RAPGEF2: variants seen among roughly 807,000 people sequenced by gnomAD.
RAPGEF2 encodes the protein Rap guanine nucleotide exchange factor 2, also known as PDZ domain containing guanine nucleotide exchange factor (GEF) 1.
Under a neutral mutation model 186.7 loss-of-function variants are expected in RAPGEF2, and 54 were observed. The observed-to-expected ratio is 0.29, with a 90% CI of 0.23 to 0.36. The LOEUF is 0.36. RAPGEF2 is among the 10% of genes least tolerant of loss of function. The pLI is 1.00. For missense variants in RAPGEF2, 1,532 were observed against 2,045.0 expected (o/e 0.75, Z 4.84); for synonymous variants, 712 against 705.9 (o/e 1.01, Z -0.14).
chr4:159,273,896 A>T (rs534765733), intron 7 of RAPGEF2, among the ~76,000 whole-genome samples: 1 of 152,050 alleles, frequency 6.6e-6, no homozygotes, highest in Non-Finnish European at 1.5e-5. Flanking sequence ...GGGTTCAAGC[A>T]GTCTTCCCCC....
intron 23 of RAPGEF2, 25 bp from the exon 24 acceptor site, chr4:159,345,081 G>C: frequency 1.9e-6 from 3 of 1,576,520 alleles, no homozygotes; most frequent in Non-Finnish European, 2.6e-6. Context: ...AGAGTGAGCT[G>C]CATATGTACC....
At chr4:159,273,646 CT>C (rs1236840614) in intron 7 of RAPGEF2, among the ~76,000 whole-genome samples, 1 of 132,916 alleles carries the variant, frequency 7.5e-6, no homozygotes, top group Non-Finnish European at 1.6e-5. Context: ...TTCTTTCTTT[CT>C]TTCTTTCTTT....
Position 159,231,840 on chromosome 4 carries a change from G to C in RAPGEF2, c.282-6969G>C, listed in dbSNP as rs79726219. 3.4e-3 allele frequency among the ~76,000 whole-genome samples: 520 copies of C among 152,212 alleles called. 4 individuals are homozygous for C. Among genetic ancestry groups the C allele is most frequent in the African/African-American group, 0.012 (502 of 41,544 alleles). On this transcript the variant is annotated intron_variant, in intron 4 of 29. Coordinates refer to ENST00000691494, the MANE Select transcript of RAPGEF2 (RefSeq NM_001394067.2). ...CTGATGCTAAGCATTTTGGATAATG[G>C]ATACTCGACCTGTCTTTCAGTCATA...
rs114615642 is a variant in RAPGEF2, at chr4:159,168,663, G to A, written c.70-17979G>A. Among the ~76,000 whole-genome samples the A allele has an allele frequency of 8.4e-3, 1,274 of 152,184 alleles. 6 individuals carry two copies. The highest frequency in any genetic ancestry group is 0.02 in the Middle Eastern group (6 of 294). On this transcript the variant is annotated intron_variant, in intron 1 of 29. Transcript: ENST00000691494. Reference sequence around the variant, plus strand: ...TAGTAAAAGGGTATACTTTGAAAACGACACCTCTTTTCTAATGATAAAAGG... The same window carrying A: ...TAGTAAAAGGGTATACTTTGAAAACAACACCTCTTTTCTAATGATAAAAGG...
intron 7 of RAPGEF2, among the ~76,000 whole-genome samples, chr4:159,248,456 C>T (rs907175220): frequency 6.6e-6 from 1 of 152,170 alleles, no homozygotes; most frequent in Non-Finnish European, 1.5e-5. Context: ...CGCCCATTAT[C>T]GGCAGGTTTA....
chr4:159,142,466 A>C (rs1742455111), intron 1 of RAPGEF2, among the ~76,000 whole-genome samples: 1 of 151,742 alleles, frequency 6.6e-6, no homozygotes, highest in Non-Finnish European at 1.5e-5. Flanking sequence ...TCAGTTTCAC[A>C]CAACAGCTGC....
rs984334955 is a variant in RAPGEF2 at position 159,273,441 on chromosome 4, C to A, written c.543+29650C>A. 2.6e-5 allele frequency among the ~76,000 whole-genome samples: 4 copies of A among 152,126 alleles called. No individual in the cohort carries two copies. In the East Asian group the frequency reaches 7.7e-4, roughly 29 times the overall value. Reference sequence around the variant, plus strand: ...TTTGCTTTTAGTCAAAATAAGTATACCTCATATCTTTGCCTTTAAATATTT... The same window carrying A: ...TTTGCTTTTAGTCAAAATAAGTATAACTCATATCTTTGCCTTTAAATATTT... On this transcript the variant is annotated intron_variant, in intron 7 of 29. Transcript: ENST00000691494.
chr4:159,289,259 T>C (rs1420800934), intron 7 of RAPGEF2, among the ~76,000 whole-genome samples: 1 of 152,172 alleles, frequency 6.6e-6, no homozygotes, highest in African/African-American at 2.4e-5. Context: ...GAATGAATCT[T>C]ATGGTTCTGA....
At chr4:159,259,427 T>C (rs1445934846) in intron 7 of RAPGEF2, among the ~76,000 whole-genome samples, 1 of 152,240 alleles carries the variant, frequency 6.6e-6, no homozygotes, top group Non-Finnish European at 1.5e-5. Flanking sequence ...CGTTAGAAGT[T>C]AAGTGTTTTT....
chr4:159,195,904 T>TCCC (rs1554008117), intron 3 of RAPGEF2, among the ~76,000 whole-genome samples: 6 of 128,840 alleles, frequency 4.7e-5, no homozygotes, highest in South Asian at 4.8e-4. Context: ...TTTTTTTTTT[T>TCCC]CCCCAAGTAG....
At chr4:159,249,605 C>T (rs1249521589) in intron 7 of RAPGEF2, among the ~76,000 whole-genome samples, 1 of 151,716 alleles carries the variant, frequency 6.6e-6, no homozygotes, top group African/African-American at 2.4e-5. Flanking sequence ...TTAAAAATAC[C>T]TAATAATGCT....
intron 4 of RAPGEF2, among the ~76,000 whole-genome samples, chr4:159,232,256 G>C (rs535312369): frequency 6.6e-6 from 1 of 152,288 alleles, no homozygotes; most frequent in African/African-American, 2.4e-5. Context: ...TGTAACTCCA[G>C]ATGGAAACCC....
At position 159,331,949 on chromosome 4, in the gene RAPGEF2, C is replaced by T. The variant is rs3749466; in HGVS notation, c.1803C>T (p.Asn601=). The part of the protein sequence containing the change: ...GDQILEVNGQ[N]FENIQLSKAM... The stretch of plus-strand genomic sequence containing the variant: ...AGATATTAGAAGTAAATGGCCAAAA[C>T]TTTGAAAACATTCAGCTGTCAAAAG... Residue 601 remains asparagine, a synonymous_variant, in exon 16 of 30, where the codon AAC becomes AAT. Transcript: ENST00000691494. 457 of 1,607,112 alleles carry T rather than the reference C, an allele frequency of 2.8e-4. 3 individuals are homozygous for T. In the East Asian group the frequency reaches 9.7e-3, roughly 34 times the overall value.
chr4:159,329,754 A>G, intron 11 of RAPGEF2, 104 bp from the exon 12 acceptor site: 1 of 902,910 alleles, frequency 1.1e-6, no homozygotes, highest in Non-Finnish European at 1.6e-6. Flanking sequence ...TGGGAAAGAC[A>G]GGGAAAAATG....
chr4:159,230,378 T>G (rs1359915854), intron 4 of RAPGEF2, among the ~76,000 whole-genome samples: 1 of 152,188 alleles, frequency 6.6e-6, no homozygotes, highest in Non-Finnish European at 1.5e-5. Flanking sequence ...TAGCATGTCT[T>G]ATATACAAAT....
At chr4:159,298,815 T>C (rs1762320862) in intron 7 of RAPGEF2, among the ~76,000 whole-genome samples, 1 of 152,316 alleles carries the variant, frequency 6.6e-6, no homozygotes. Context: ...GGAAGGGACC[T>C]GCGCCTTGCA....
intron 7 of RAPGEF2, among the ~76,000 whole-genome samples, chr4:159,262,706 T>C (rs1276436722): frequency 6.6e-6 from 1 of 152,232 alleles, no homozygotes; most frequent in Non-Finnish European, 1.5e-5. Context: ...TCTAACATGC[T>C]CCATGTGAAT....
At chr4:159,256,824 T>G in intron 7 of RAPGEF2, among the ~76,000 whole-genome samples, 1 of 152,324 alleles carries the variant, frequency 6.6e-6, no homozygotes, top group South Asian at 2.1e-4. Context: ...TCATGTTTGT[T>G]GGCTGCATGA....
intron 7 of RAPGEF2, among the ~76,000 whole-genome samples, chr4:159,296,516 C>T (rs7699744): frequency 0.089 from 13,607 of 152,138 alleles, 2,031 homozygotes; most frequent in African/African-American, 0.31. Context: ...GCTCCCTAGC[C>T]GTTCATCTGG....
Sources: gnomAD v4.1 joint callset for allele counts (sites outside exome capture counted in the v4.1 genomes callset) on GRCh38, gnomAD v4.1.1 for gene constraint, MANE v1.5 for transcripts, NCBI Gene and HGNC (gene_info 2026-07-23, HGNC 2026-07-21) for gene names.